CLVS1: variants seen among roughly 807,000 people sequenced by gnomAD.
CLVS1 encodes clavesin-1.
Under a neutral mutation model 33.1 loss-of-function variants are expected in CLVS1, and 10 were observed. That is an observed-to-expected ratio of 0.30 (90% CI 0.19 to 0.51). The LOEUF is 0.51. CLVS1 is among the 20% of genes least tolerant of loss of function. The pLI, the probability that CLVS1 is intolerant of heterozygous loss-of-function variation, is 0.97. For synonymous variants in CLVS1, 163 were observed against 166.1 expected, an observed-to-expected ratio of 0.98 and a Z score of 0.14; for missense variants, 343 against 433.4, an observed-to-expected ratio of 0.79 and a Z score of 1.85.
chr8:61,305,035 G>C (rs1810572423), intron 2 of CLVS1, among the ~76,000 whole-genome samples: 1 of 152,032 alleles, frequency 6.6e-6, no homozygotes, highest in Non-Finnish European at 1.5e-5. Flanking sequence ...ATGGGGTCTT[G>C]AGCAAGTTGC....
At chr8:61,135,404 G>A (rs182763316) in intron 2 of CLVS1, among the ~76,000 whole-genome samples, 1 of 152,300 alleles carries the variant, frequency 6.6e-6, no homozygotes. Context: ...TTGATTCTAT[G>A]TGGGTCAATG....
At chr8:61,459,788 A>C in intron 5 of CLVS1, among the ~76,000 whole-genome samples, 1 of 152,346 alleles carries the variant, frequency 6.6e-6, no homozygotes, top group Middle Eastern at 3.4e-3. Flanking sequence ...TGCTGTAATA[A>C]GTTACTACAG....
In CLVS1 at chr8:61,376,659, C is replaced by T. The variant is rs746041983; in HGVS notation, c.510C>T (p.Ile170=). ...RAILLSLEVL[I]EDPELQINGF... is the part of the protein sequence containing the mutation. ...TCCTGCTGTCATTGGAAGTCCTAAT[C>T]GAAGATCCGGAGCTTCAGATAAATG... Residue 170 remains isoleucine (I), a synonymous_variant, in exon 3 of 6, where the codon ATC becomes ATT. Transcript: ENST00000325897. 1.1e-5 allele frequency: 18 copies of T among 1,614,094 alleles called. No individual in the cohort carries two copies. Among genetic ancestry groups the T allele is most frequent in the Middle Eastern group, 1.6e-4 (1 of 6,062 alleles).
intron 1 of CLVS1, among the ~76,000 whole-genome samples, chr8:61,124,686 TG>T (rs1805939486): frequency 6.6e-6 from 1 of 152,220 alleles, no homozygotes. Context: ...ATCTGGGAGA[TG>T]GCAGTGCATC....
chr8:61,344,171 GAC>G (rs1812120169), intron 2 of CLVS1, among the ~76,000 whole-genome samples: 1 of 152,016 alleles, frequency 6.6e-6, no homozygotes, highest in African/African-American at 2.4e-5. Context: ...AGGAACTTGA[GAC>G]ACAGAGAAAT....
chr8:61,196,499 T>C (rs1473603290), intron 2 of CLVS1, among the ~76,000 whole-genome samples: 1 of 152,134 alleles, frequency 6.6e-6, no homozygotes, highest in Non-Finnish European at 1.5e-5. Flanking sequence ...AAAAATGGAA[T>C]GTGTTTATTC....
chr8:61,292,544 G>A (rs1810032486), intron 1 of CLVS1: 2 of 355,012 alleles, frequency 5.6e-6, no homozygotes, highest in African/African-American at 2.1e-5. Flanking sequence ...TTTGAAGACA[G>A]AAGGGTCAAG....
intron 2 of CLVS1, among the ~76,000 whole-genome samples, chr8:61,208,950 G>A (rs1305147179): frequency 6.6e-6 from 1 of 152,130 alleles, no homozygotes; most frequent in Non-Finnish European, 1.5e-5. Flanking sequence ...ACAGCTGTGG[G>A]CAGGGGTATA....
chr8:61,476,175 G>T (rs1427884700), intron 5 of CLVS1, among the ~76,000 whole-genome samples: 4 of 152,218 alleles, frequency 2.6e-5, no homozygotes, highest in Admixed American at 6.5e-5. Context: ...TTGGTACCAG[G>T]ACCATGCTGA....
chr8:61,025,554 T>C, the CLVS1 span, among the ~76,000 whole-genome samples: 3 of 152,250 alleles, frequency 2.0e-5, no homozygotes, highest in African/African-American at 4.8e-5. Flanking sequence ...GAGACTCTTT[T>C]GCTAGGCTGT....
At chr8:61,355,266 C>G (rs1812644636) in intron 2 of CLVS1, among the ~76,000 whole-genome samples, 1 of 151,780 alleles carries the variant, frequency 6.6e-6, no homozygotes, top group Admixed American at 6.6e-5. Flanking sequence ...GTACCTCACT[C>G]CAGTTTAAGA....
intron 2 of CLVS1, among the ~76,000 whole-genome samples, chr8:61,243,041 C>T (rs1317555208): frequency 1.3e-5 from 2 of 152,032 alleles, no homozygotes; most frequent in African/African-American, 2.4e-5. Context: ...TGAATTGTAT[C>T]TGGATCTTGT....
chr8:61,423,974 A>T (rs1815781313), intron 3 of CLVS1, among the ~76,000 whole-genome samples: 1 of 152,244 alleles, frequency 6.6e-6, no homozygotes, highest in African/African-American at 2.4e-5. Context: ...ACATTTTATG[A>T]CATTATTATT....
At chr8:61,207,079 C>G (rs1025823554) in intron 2 of CLVS1, among the ~76,000 whole-genome samples, 3 of 152,106 alleles carry the variant, frequency 2.0e-5, no homozygotes, top group South Asian at 4.1e-4. Flanking sequence ...ACTGAGGGAG[C>G]CTGCTGTCTA....
chr8:61,325,742 T>G (rs1811358559), intron 2 of CLVS1, among the ~76,000 whole-genome samples: 1 of 152,148 alleles, frequency 6.6e-6, no homozygotes, highest in Non-Finnish European at 1.5e-5. Context: ...TAGGACCATC[T>G]CATACATCGA....
At chr8:61,149,569 C>CAAAAAAAAAA (rs1212944878) in intron 2 of CLVS1, among the ~76,000 whole-genome samples, 1 of 120,274 alleles carries the variant, frequency 8.3e-6, no homozygotes, top group Non-Finnish European at 1.7e-5. Flanking sequence ...AAAAAAAAAA[C>CAAAAAAAAAA]AAAAAACAAA....
chr8:61,456,608 A>T (rs994346803), intron 4 of CLVS1, among the ~76,000 whole-genome samples: 3 of 152,168 alleles, frequency 2.0e-5, no homozygotes, highest in African/African-American at 7.2e-5. Context: ...GAGGTCCTCT[A>T]TGTAAGTATT....
intron 2 of CLVS1, among the ~76,000 whole-genome samples, chr8:61,252,723 G>A (rs1408657332): frequency 1.3e-5 from 2 of 152,108 alleles, no homozygotes; most frequent in African/African-American, 4.8e-5. Context: ...TGTTTTATCA[G>A]AGATTACAAT....
At chr8:61,480,249 C>A (rs887016435) in intron 5 of CLVS1, among the ~76,000 whole-genome samples, 5 of 152,256 alleles carry the variant, frequency 3.3e-5, no homozygotes, top group Non-Finnish European at 7.3e-5. Context: ...AGCTTCCCGG[C>A]TGCTTTGTTT....
Sources: gnomAD v4.1 joint callset for allele counts (sites outside exome capture counted in the v4.1 genomes callset) on GRCh38, gnomAD v4.1.1 for gene constraint, MANE v1.5 for transcripts, NCBI Gene and HGNC (gene_info 2026-07-23, HGNC 2026-07-21) for gene names.